Variants in SBNO1 observed in about 807,000 individuals in gnomAD.
SBNO1 encodes strawberry notch homolog 1.
In SBNO1, 23 loss-of-function variants were observed where a neutral mutation model predicts 173.6. The observed-to-expected ratio is 0.13, with a 90% CI of 0.10 to 0.19. The LOEUF (loss-of-function observed/expected upper bound fraction) is 0.19, where lower values mean the gene tolerates loss of function less well. Among genes scored for constraint, SBNO1 ranks in the 10% least tolerant of loss-of-function variants. The pLI is 1.00. For missense variants in SBNO1, 1,238 were observed against 1,671.2 expected (o/e 0.74, Z 4.52); for synonymous variants, 632 against 571.5 (o/e 1.11, Z -1.51).
At chr12:123,317,445 T>A in intron 20 of SBNO1, 89 bp from the exon 21 acceptor site, 2 of 1,107,662 alleles carry the variant, frequency 1.8e-6, no homozygotes, top group Middle Eastern at 2.3e-4. Context: ...AGACTGCCTA[T>A]TCTCTCCTTC....
At chr12:123,345,674 T>C (rs1873037119) in intron 3 of SBNO1, 104 bp from the exon 4 acceptor site, 3 of 990,608 alleles carry the variant, frequency 3.0e-6, no homozygotes, top group Non-Finnish European at 4.4e-6. Context: ...AATGCACTTT[T>C]ATTATTGCTT....
At position 123,291,566 on chromosome 12, in the gene SBNO1, A is replaced by G. The variant is rs1368619882; in HGVS notation, c.*4342T>C. 6.6e-6 allele frequency: 1 copy of G among 152,150 alleles called. No homozygotes were observed. The highest frequency in any genetic ancestry group is 1.5e-5 in the Non-Finnish European group (1 of 68,028). The allele number at this position is 152,150 out of a possible 1,614,324, so 9.4% of individuals were successfully genotyped here. ...AATGCATTGCACACAACACAATAAG[A>G]CATAGTAAAAAACATTAACACAAAA... is the stretch of plus-strand genomic sequence containing the variant. On this transcript the variant is annotated 3_prime_UTR_variant, in exon 32 of 32. Transcript: ENST00000602398.
At chr12:123,318,532 A>G (rs1869570647) in intron 20 of SBNO1, among the ~76,000 whole-genome samples, 1 of 152,034 alleles carries the variant, frequency 6.6e-6, no homozygotes, top group East Asian at 1.9e-4. Flanking sequence ...ATGGAGTTCA[A>G]GACCAGCCAG....
At position 123,309,547 on chromosome 12, in the gene SBNO1, T is replaced by G; in HGVS notation, c.3479A>C (p.Asp1160Ala). The G allele has an allele frequency of 6.2e-7, 1 of 1,614,052 alleles. No homozygotes were observed. Among genetic ancestry groups the G allele is most frequent in the Non-Finnish European group, 8.5e-7 (1 of 1,179,916 alleles). ...GSGDEKVRKS[D>A]VKKFLTPGYS... ...TCCTGGAGTCAGAAACTTTTTAACA[T>G]CACTTTTCCGCACTTTTTCATCTCC... The change falls in exon 27 of 32, where the codon GAT becomes GCT. Residue 1160 changes from aspartate (D) to alanine (A), a missense_variant. Physicochemically the swap from Asp to Ala is moderately radical, Grantham distance 126 (BLOSUM62 -2). Transcript: ENST00000602398.
intron 10 of SBNO1, among the ~76,000 whole-genome samples, chr12:123,328,320 T>C (rs1037813208): frequency 3.9e-5 from 6 of 152,228 alleles, no homozygotes; most frequent in African/African-American, 1.4e-4. Context: ...AGTAGAAGCA[T>C]GATTGGTAAC....
At chr12:123,340,635 T>C (rs1464810269) in intron 5 of SBNO1, among the ~76,000 whole-genome samples, 2 of 149,116 alleles carry the variant, frequency 1.3e-5, no homozygotes, top group South Asian at 2.1e-4. Context: ...CATTATATGA[T>C]CTGTCAATGC....
rs149772827 is a variant in SBNO1 at position 123,320,488 on chromosome 12, G to A, written c.2611C>T (p.Pro871Ser). 1.4e-5 allele frequency: 22 copies of A among 1,613,974 alleles called. No individual in the cohort carries two copies. The highest frequency in any genetic ancestry group is 1.8e-5 in the Non-Finnish European group (21 of 1,180,016). The change falls in exon 19 of 32, where the codon CCT (proline) becomes TCT (serine). Residue 871 changes from proline to serine, a missense_variant. Pro to Ser is a moderately conservative substitution (Grantham distance 74, BLOSUM62 -1). Coordinates refer to ENST00000602398, the MANE Select transcript of SBNO1 (RefSeq NM_001167856.3). ...TCGATAAGTTCATCCAGGGTATTAG[G>A]GGGGAGGTCTTCAGCTAATTTTTCT... is the stretch of plus-strand genomic sequence containing the variant. ...KLEKLAEDLP[P>S]NTLDELIDEL...
chr12:123,356,386 A>C (rs1014080201), intron 1 of SBNO1, among the ~76,000 whole-genome samples: 1 of 152,238 alleles, frequency 6.6e-6, no homozygotes, highest in Non-Finnish European at 1.5e-5. Context: ...TCCCCAGAAT[A>C]CAAACTTTGT....
chr12:123,335,788 T>C (rs1871770686), intron 6 of SBNO1, among the ~76,000 whole-genome samples: 1 of 152,210 alleles, frequency 6.6e-6, no homozygotes, highest in African/African-American at 2.4e-5. Context: ...TTCAATCCTT[T>C]TGCAAAATGA....
chr12:123,295,884 T>C lies in SBNO1; in HGVS notation c.*24A>G. ...ATGCTTCAACAGCATTTCAGATCCA[T>C]CCATGTTGAAACCTGTCTGTTCTTC... On this transcript the variant is annotated 3_prime_UTR_variant, in exon 32 of 32. Transcript: ENST00000602398. The C allele has an allele frequency of 6.2e-7, 1 of 1,611,316 alleles. No individual in the cohort carries two copies. The highest frequency in any genetic ancestry group is 1.1e-5 in the South Asian group (1 of 90,726).
chr12:123,320,338 A>C, intron 19 of SBNO1, 94 bp downstream of exon 19: 1 of 1,193,118 alleles, frequency 8.4e-7, no homozygotes, highest in East Asian at 2.4e-5. Context: ...TGATCTAAGA[A>C]ATTTAGATTA....
At chr12:123,318,604 G>A (rs1005023706) in intron 20 of SBNO1, among the ~76,000 whole-genome samples, 25 of 152,040 alleles carry the variant, frequency 1.6e-4, no homozygotes, top group East Asian at 1.9e-4. Context: ...GTGGTGGCGC[G>A]TGCCTGTAGT....
chr12:123,299,103 T>C (rs1194596316), intron 30 of SBNO1, among the ~76,000 whole-genome samples: 2 of 152,218 alleles, frequency 1.3e-5, no homozygotes, highest in African/African-American at 2.4e-5. Context: ...GTGCGGTGGC[T>C]CACGCCTGTA....
rs765567484 is a variant in SBNO1, at chr12:123,320,934, A to C, written c.2324-68T>G. The C allele has an allele frequency of 9.0e-5, 112 of 1,247,442 alleles. 1 individual carries two copies. The highest frequency in any genetic ancestry group is 1.1e-4 in the Non-Finnish European group (104 of 910,878). The allele number at this position is 1,247,442 out of a possible 1,614,324, so 77.3% of individuals were successfully genotyped here. ...CAAGTACAGAATCTTCAAAGGAAAC[A>C]ACCTTTGAAATTTTATTTTTTTGAG... is the stretch of plus-strand genomic sequence containing the variant. On this transcript the variant is annotated intron_variant, in intron 17 of 31. Transcript: ENST00000602398.
At position 123,323,410 on chromosome 12, in the gene SBNO1, A is replaced by G. The variant is rs190070716; in HGVS notation, c.2125+270T>C. On this transcript the variant is annotated intron_variant, in intron 16 of 31. Transcript: ENST00000602398. ...CGCTCTGTCATCCAGGCTGGAGTGC[A>G]GCAGCGCTATCTCGGCTCACTGCAA... Among the ~76,000 whole-genome samples the G allele has an allele frequency of 2.1e-3, 313 of 152,236 alleles. 2 individuals are homozygous for G. The highest frequency in any genetic ancestry group is 7.3e-3 in the African/African-American group (302 of 41,546).
At position 123,320,719 on chromosome 12, in the gene SBNO1, G is replaced by C. The variant is rs751194769; in HGVS notation, c.2471C>G (p.Pro824Arg). 1.2e-6 allele frequency: 2 copies of C among 1,609,472 alleles called. No homozygotes were observed. The highest frequency in any genetic ancestry group is 1.1e-5 in the South Asian group (1 of 89,786). The change falls in exon 18 of 32, where the codon CCT becomes CGT. Residue 824 changes from proline (P) to arginine (R), a missense_variant. Physicochemically the swap from Pro to Arg is moderately radical, Grantham distance 103 (BLOSUM62 -2). Coordinates refer to ENST00000602398, the MANE Select transcript of SBNO1 (RefSeq NM_001167856.3). ...PSFSSTPVISPAPNSTPANSN... is the reference protein window; with the variant it reads ...PSFSSTPVISRAPNSTPANSN... Reference sequence around the variant, plus strand: ...GATACCTGGTGTACTGTTAGGAGCAGGTGAGATAACTGGTGTAGATGAAAA... The same window carrying C: ...GATACCTGGTGTACTGTTAGGAGCACGTGAGATAACTGGTGTAGATGAAAA...
intron 1 of SBNO1, chr12:123,364,335 G>A: frequency 1.0e-6 from 1 of 985,030 alleles, no homozygotes; most frequent in Non-Finnish European, 1.2e-6. Flanking sequence ...CGGGTTGTGA[G>A]GCGGAAGCCA....
chr12:123,299,322 C>G (rs1239934554), intron 30 of SBNO1, among the ~76,000 whole-genome samples: 1 of 149,640 alleles, frequency 6.7e-6, no homozygotes, highest in Non-Finnish European at 1.5e-5. Context: ...GAGCCGAGAT[C>G]GTGCCACTGC....
intron 7 of SBNO1, 90 bp downstream of exon 7, chr12:123,333,963 A>G: frequency 5.0e-6 from 4 of 803,984 alleles, no homozygotes; most frequent in Non-Finnish European, 5.4e-6. Flanking sequence ...CAAGGTTTTC[A>G]TACAAGGAAA....
Sources: allele counts gnomAD v4.1 joint callset (sites outside exome capture counted in the v4.1 genomes callset), GRCh38; gene constraint gnomAD v4.1.1; transcripts MANE v1.5; gene names NCBI Gene and HGNC (gene_info 2026-07-23, HGNC 2026-07-21).